The following ZEB2 variants were observed in gnomAD, a reference collection of about 807,000 sequenced individuals.
ZEB2 encodes the protein zinc finger E-box-binding homeobox 2.
Under a neutral mutation model 99.9 loss-of-function variants are expected in ZEB2, and 6 were observed. The observed-to-expected ratio is 0.06, with a 90% confidence interval of 0.03 to 0.12. The LOEUF (loss-of-function observed/expected upper bound fraction) is 0.12, where lower values mean the gene tolerates loss of function less well. ZEB2 is among the 10% of genes least tolerant of loss of function. The pLI is 1.00. For synonymous variants in ZEB2, 517 were observed against 542.5 expected (o/e 0.95, Z 0.65); for missense variants, 969 against 1,502.8 (o/e 0.64, Z 5.87).
In ZEB2 at chr2:144,454,290, G is replaced by A. The variant is rs897882246; in HGVS notation, c.74-24264C>T. Among the ~76,000 whole-genome samples the A allele has an allele frequency of 2.0e-5, 3 of 152,108 alleles. 1 individual carries two copies. The highest frequency in any genetic ancestry group is 7.2e-5 in the African/African-American group (3 of 41,414). On this transcript the variant is annotated intron_variant, in intron 2 of 9. Coordinates refer to ENST00000627532, the MANE Select transcript of ZEB2 (RefSeq NM_014795.4). ...ATAGTAACTTTTTAAAAAACTCACC[G>A]ACTGCTTAAAAACTAAAAGTTGAAC...
In ZEB2 at chr2:144,388,345, G is replaced by A. The variant is rs1411741214; in HGVS notation, c.*1106C>T. The A allele has an allele frequency of 2.6e-5, 4 of 152,356 alleles. No homozygotes were observed. The highest frequency in any genetic ancestry group is 5.9e-5 in the Non-Finnish European group (4 of 67,962). 9.4% of individuals were successfully genotyped at this position (152,356 alleles called of 1,614,324 possible). A position where few individuals can be genotyped will look rare whatever the true frequency, so the allele number is the denominator to read the frequency against. The stretch of plus-strand genomic sequence containing the variant: ...ACACAATAAATGCTCTTCTCTTTAC[G>A]TAAAATTTGCCCAAATGATCAACGT... On this transcript the variant is annotated 3_prime_UTR_variant, in exon 10 of 10. Coordinates refer to ENST00000627532, the MANE Select transcript of ZEB2 (RefSeq NM_014795.4). This position sits in a 1 kb window ranked among gnomAD's most constrained non-coding sequence, Gnocchi z 5.4.
chr2:144,515,504 A>G (rs1705117806), intron 2 of ZEB2, among the ~76,000 whole-genome samples: 1 of 151,820 alleles, frequency 6.6e-6, no homozygotes, highest in Non-Finnish European at 1.5e-5. Context: ...AGAGTGAAAA[A>G]AAAATTAAAT....
In ZEB2 at chr2:144,400,091, T is replaced by C. The variant is rs1417694978; in HGVS notation, c.1096A>G (p.Ile366Val). 6.2e-7 allele frequency: 1 copy of C among 1,614,014 alleles called. No individual in the cohort carries two copies. The highest frequency in any genetic ancestry group is 1.1e-5 in the South Asian group (1 of 91,092). Residue 366 changes from isoleucine (I) to valine (V), a missense_variant, in exon 8 of 10, where the codon ATT (isoleucine) becomes GTT (valine). By Grantham distance (29) the Ile-to-Val change is conservative. Around this residue, in one of 8 missense-constraint regions of ZEB2, gnomAD observed 227 missense variants for 278.2 expected, o/e 0.82. Transcript: ENST00000627532. ...SVSSSPTNSAITQLRNKLENG... is the reference protein window; with the variant it reads ...SVSSSPTNSAVTQLRNKLENG... Reference sequence around the variant, plus strand: ...TCCAACTTGTTTCTTAACTGGGTAATGGCTGAATTAGTAGGAGAAGAAGAA... The same window carrying C: ...TCCAACTTGTTTCTTAACTGGGTAACGGCTGAATTAGTAGGAGAAGAAGAA...
At chr2:144,430,091 T>G (rs979822887) in intron 2 of ZEB2, 65 bp from the exon 3 acceptor site, 2 of 1,597,242 alleles carry the variant, frequency 1.3e-6, no homozygotes, top group African/African-American at 2.7e-5. Context: ...CACCCCTAAT[T>G]GTTTAGTTAA....
At chr2:144,413,516 C>A (rs1370869328) in intron 4 of ZEB2, among the ~76,000 whole-genome samples, 1 of 152,166 alleles carries the variant, frequency 6.6e-6, no homozygotes, top group Non-Finnish European at 1.5e-5. Flanking sequence ...TTCTATTTTT[C>A]TCTCCTCCAA....
intron 9 of ZEB2, among the ~76,000 whole-genome samples, chr2:144,392,961 T>A (rs887171092): frequency 6.6e-6 from 1 of 152,340 alleles, no homozygotes; most frequent in Admixed American, 6.5e-5. Flanking sequence ...ACTGGTAAAT[T>A]TATTTAAAAC....
chr2:144,517,526 C>T (rs1705177813), intron 1 of ZEB2, 107 bp from the exon 2 acceptor site: 4 of 703,060 alleles, frequency 5.7e-6, no homozygotes, highest in East Asian at 2.9e-5. Context: ...CCCATCCGCG[C>T]CCCCCAACGC....
At chr2:144,415,172 A>C (rs950519239) in intron 4 of ZEB2, among the ~76,000 whole-genome samples, 1 of 152,016 alleles carries the variant, frequency 6.6e-6, no homozygotes, top group African/African-American at 2.4e-5. Context: ...TTTCCATTTA[A>C]TATTTAAGGA....
intron 9 of ZEB2, among the ~76,000 whole-genome samples, chr2:144,392,643 G>C (rs1703168071): frequency 1.3e-5 from 2 of 152,202 alleles, no homozygotes; most frequent in South Asian, 4.1e-4. Context: ...CTGATCTCCA[G>C]AAGTTTCAGT....
intron 4 of ZEB2, among the ~76,000 whole-genome samples, chr2:144,420,543 G>A (rs7600752): frequency 0.45 from 67,964 of 152,006 alleles, 17,615 homozygotes; most frequent in East Asian, 0.6. Context: ...CATGAAATAA[G>A]GGCAAACAAT....
chr2:144,418,455 G>A (rs979463992), intron 4 of ZEB2, among the ~76,000 whole-genome samples: 1 of 152,152 alleles, frequency 6.6e-6, no homozygotes, highest in Non-Finnish European at 1.5e-5. Flanking sequence ...TTGGGAGGCT[G>A]AGGCGGGGGG....
intron 2 of ZEB2, among the ~76,000 whole-genome samples, chr2:144,476,825 G>C (rs938910466): frequency 2.0e-5 from 3 of 152,136 alleles, no homozygotes; most frequent in Admixed American, 1.3e-4. Context: ...GGCAGGCATG[G>C]GGGTTCCATG....
intron 4 of ZEB2, among the ~76,000 whole-genome samples, chr2:144,416,431 G>A (rs1439585814): frequency 6.6e-6 from 1 of 152,090 alleles, no homozygotes; most frequent in South Asian, 2.1e-4. Context: ...GAATCTCCAC[G>A]CATTGTCCAC....
chr2:144,474,567 G>A (rs1573781947), intron 2 of ZEB2, among the ~76,000 whole-genome samples: 1 of 152,164 alleles, frequency 6.6e-6, no homozygotes, highest in Non-Finnish European at 1.5e-5. Flanking sequence ...ATTAATAAAT[G>A]ATACCAGTGT....
At chr2:144,451,403 G>A (rs1336295055) in intron 2 of ZEB2, among the ~76,000 whole-genome samples, 1 of 152,140 alleles carries the variant, frequency 6.6e-6, no homozygotes, top group African/African-American at 2.4e-5. Flanking sequence ...ATATCCAGAA[G>A]GGACCTGCAC....
At chr2:144,425,412 A>C (rs1703679265) in intron 3 of ZEB2, among the ~76,000 whole-genome samples, 2 of 152,214 alleles carry the variant, frequency 1.3e-5, no homozygotes, top group Admixed American at 1.3e-4. Context: ...CAGAAGTAAC[A>C]ACAATACCTG....
intron 2 of ZEB2, among the ~76,000 whole-genome samples, chr2:144,459,959 T>C (rs1015170702): frequency 6.6e-6 from 1 of 152,076 alleles, no homozygotes; most frequent in Admixed American, 6.6e-5. Flanking sequence ...ACATACTGGG[T>C]CCCGTAAGGA....
chr2:144,456,234 T>C (rs1205148905), intron 2 of ZEB2, among the ~76,000 whole-genome samples: 1 of 152,230 alleles, frequency 6.6e-6, no homozygotes, highest in Non-Finnish European at 1.5e-5. Flanking sequence ...CATAAAGTTA[T>C]TTTAACTGAG....
chr2:144,458,626 T>C (rs1321527882), intron 2 of ZEB2, among the ~76,000 whole-genome samples: 1 of 152,144 alleles, frequency 6.6e-6, no homozygotes, highest in Non-Finnish European at 1.5e-5. Context: ...AAAAAAAATC[T>C]TGCCCATTCT....
Sources: gnomAD v4.1 joint callset for allele counts (sites outside exome capture counted in the v4.1 genomes callset) on GRCh38, gnomAD v4.1.1 for gene constraint, gnomAD v4.1.1 regional missense constraint, Gnocchi (gnomAD v3.1) non-coding constraint, MANE v1.5 for transcripts, NCBI Gene and HGNC (gene_info 2026-07-23, HGNC 2026-07-21) for gene names.